The following TRPM6 variants were observed in gnomAD, a reference collection of about 807,000 sequenced individuals.
TRPM6 encodes channel kinase 2.
Under a neutral mutation model 247.6 loss-of-function variants are expected in TRPM6, and 111 were observed. The observed-to-expected ratio is 0.45, with a 90% CI of 0.38 to 0.52. The LOEUF (loss-of-function observed/expected upper bound fraction) is 0.52. TRPM6 is among the 20% of genes least tolerant of loss of function. The pLI is 0.00. For missense variants in TRPM6, 2,126 were observed against 2,421.5 expected (o/e 0.88, Z 2.56); for synonymous variants, 892 against 853.8 (o/e 1.04, Z -0.78).
intron 38 of TRPM6, among the ~76,000 whole-genome samples, chr9:74,727,017 C>T (rs1825352360): frequency 6.6e-6 from 1 of 152,080 alleles, no homozygotes; most frequent in East Asian, 1.9e-4. Context: ...TTTTGATCTC[C>T]CCACCCCTGG....
intron 36 of TRPM6, 108 bp from the exon 37 acceptor site, chr9:74,732,844 C>T (rs983178485): frequency 1.1e-6 from 1 of 883,868 alleles, no homozygotes; most frequent in East Asian, 2.7e-5. Context: ...CTCACAGTCA[C>T]TCTGTAGTAA....
chr9:74,881,260 C>G (rs1162520571), intron 1 of TRPM6, among the ~76,000 whole-genome samples: 1 of 151,506 alleles, frequency 6.6e-6, no homozygotes, highest in Non-Finnish European at 1.5e-5. Flanking sequence ...CAAACAGAAA[C>G]CAAACGCAAG....
chr9:74,865,495 G>A (rs1830820019), intron 1 of TRPM6, among the ~76,000 whole-genome samples: 2 of 152,160 alleles, frequency 1.3e-5, no homozygotes, highest in South Asian at 4.1e-4. Context: ...ACTGTCCCTC[G>A]ATAGTAAAAT....
At chr9:74,803,968 T>G (rs1828438799) in intron 14 of TRPM6, 82 bp from the exon 15 acceptor site, 1 of 869,582 alleles carries the variant, frequency 1.1e-6, no homozygotes, top group South Asian at 1.3e-5. Context: ...GGAGGGGAGA[T>G]TATAGTGGTA....
At position 74,827,803 on chromosome 9, in the gene TRPM6, G is replaced by A. The variant is rs573021439; in HGVS notation, c.816C>T (p.Tyr272=). Residue 272 remains tyrosine, a synonymous_variant, in exon 7 of 39, where the codon TAC becomes TAT. Transcript: ENST00000360774. ...GGCAGTGTATTTTCTGCAGAGAGAG[G>A]TACTTCTCCAGGTTCCTTCTGAGCT... ...EMKLRRNLEK[Y]LSLQKIHCRS... 149 of 1,614,080 alleles carry A rather than the reference G, an allele frequency of 9.2e-5. 1 individual carries two copies. In the South Asian group the frequency reaches 1.6e-3, roughly 17 times the overall value.
chr9:74,808,317 A>T (rs1587529160), intron 13 of TRPM6, 143 bp from the exon 14 acceptor site: 1 of 1,030,934 alleles, frequency 9.7e-7, no homozygotes. Flanking sequence ...AATTTAAGTG[A>T]CCAGCCATTG....
chr9:74,845,436 A>G (rs763244581), intron 3 of TRPM6, among the ~76,000 whole-genome samples: 6 of 152,252 alleles, frequency 3.9e-5, no homozygotes. Context: ...TATAAATACC[A>G]TGGTATATGA....
At chr9:74,819,145 C>T (rs1266012231) in intron 9 of TRPM6, among the ~76,000 whole-genome samples, 1 of 151,660 alleles carries the variant, frequency 6.6e-6, no homozygotes, top group Non-Finnish European at 1.5e-5. Context: ...CCATCTCTAC[C>T]AAAAAATACA....
intron 16 of TRPM6, 81 bp downstream of exon 16, chr9:74,801,817 T>A: frequency 6.4e-7 from 1 of 1,552,016 alleles, no homozygotes; most frequent in Non-Finnish European, 8.8e-7. Flanking sequence ...GTCCTACAAG[T>A]TTAAAGATGA....
rs920726163 is a variant in TRPM6, at chr9:74,887,271, G to A, written c.33+553C>T. ...CATCGCTCCGGGACTCCTGCACGGGGAACACTGGGCGCACGGGGACGCGCA... is the reference window on the plus strand; with the variant it reads ...CATCGCTCCGGGACTCCTGCACGGGAAACACTGGGCGCACGGGGACGCGCA... On this transcript the variant is annotated intron_variant, in intron 1 of 38. Transcript: ENST00000360774. 1.0e-5 allele frequency: 14 copies of A among 1,343,682 alleles called. No individual in the cohort carries two copies. The African/African-American group carries it at 1.9e-4, about 18-fold the overall frequency. 83.2% of individuals were successfully genotyped at this position (1,343,682 alleles called of 1,614,324 possible).
chr9:74,797,324 A>C (rs1177293097), intron 17 of TRPM6, among the ~76,000 whole-genome samples: 1 of 152,208 alleles, frequency 6.6e-6, no homozygotes, highest in African/African-American at 2.4e-5. Flanking sequence ...AGGGGATTGG[A>C]GCCAGGACAC....
intron 8 of TRPM6, among the ~76,000 whole-genome samples, chr9:74,821,197 T>C (rs1305319613): frequency 2.6e-5 from 4 of 152,198 alleles, no homozygotes; most frequent in Non-Finnish European, 5.9e-5. Flanking sequence ...AAAATTATCT[T>C]CTTATTTGAG....
intron 3 of TRPM6, among the ~76,000 whole-genome samples, chr9:74,853,470 C>A (rs762077885): frequency 6.6e-6 from 1 of 152,178 alleles, no homozygotes; most frequent in Non-Finnish European, 1.5e-5. Flanking sequence ...CGTGTCTGTG[C>A]GGAAATAAGT....
At chr9:74,817,828 T>C (rs1348497811) in intron 9 of TRPM6, among the ~76,000 whole-genome samples, 1 of 152,194 alleles carries the variant, frequency 6.6e-6, no homozygotes, top group East Asian at 1.9e-4. Flanking sequence ...GCTATTTTAA[T>C]GAAAAAGCCA....
intron 23 of TRPM6, among the ~76,000 whole-genome samples, chr9:74,779,407 A>G (rs1023771867): frequency 1.3e-5 from 2 of 152,262 alleles, no homozygotes; most frequent in Non-Finnish European, 2.9e-5. Context: ...GATGACTATC[A>G]TATAACCAGC....
rs1830675353 is a variant in TRPM6 at position 74,860,952 on chromosome 9, A to G, written c.34-2204T>C. Among the ~76,000 whole-genome samples the G allele has an allele frequency of 2.0e-5, 3 of 152,234 alleles. No homozygotes were observed. The South Asian group carries it at 6.2e-4, about 32-fold the overall frequency. On this transcript the variant is annotated intron_variant, in intron 1 of 38. Coordinates refer to ENST00000360774, the MANE Select transcript of TRPM6 (RefSeq NM_017662.5). ...TGGGAGGATTGCTTAAGCCCAAGGA[A>G]GTCGAGGCTGCAGTGAGCCATGATT...
intron 1 of TRPM6, chr9:74,875,335 G>T: frequency 2.3e-6 from 1 of 442,722 alleles, no homozygotes; most frequent in South Asian, 1.6e-5. Flanking sequence ...CTCAGGTCAG[G>T]AGTTCGAGAC....
At chr9:74,852,913 C>T (rs1413686501) in intron 3 of TRPM6, among the ~76,000 whole-genome samples, 1 of 152,194 alleles carries the variant, frequency 6.6e-6, no homozygotes, top group African/African-American at 2.4e-5. Flanking sequence ...CAGCAGCCAC[C>T]CCGTCTGGGA....
At chr9:74,766,904 C>T (rs1826845951) in intron 25 of TRPM6, among the ~76,000 whole-genome samples, 1 of 152,000 alleles carries the variant, frequency 6.6e-6, no homozygotes, top group Admixed American at 6.6e-5. Context: ...GAGCGAAACT[C>T]CGTCTCAAAA....
Sources: allele counts gnomAD v4.1 joint callset (sites outside exome capture counted in the v4.1 genomes callset), GRCh38; gene constraint gnomAD v4.1.1; transcripts MANE v1.5; gene names NCBI Gene and HGNC (gene_info 2026-07-23, HGNC 2026-07-21).